Variants in PHIP observed in about 807,000 individuals in gnomAD.
PHIP encodes PH-interacting protein.
Under a neutral mutation model 236.8 loss-of-function variants are expected in PHIP, and 54 were observed. The ratio of observed to expected loss-of-function variants is 0.23; its 90% CI spans 0.18 to 0.29. The LOEUF (loss-of-function observed/expected upper bound fraction) is 0.29. PHIP is among the 10% of genes least tolerant of loss of function. The probability of loss-of-function intolerance (pLI) is 1.00; values close to 1 mark genes in which losing one functional copy is unlikely to be tolerated. For missense variants in PHIP, 1,370 were observed against 2,190.8 expected (o/e 0.63, Z 7.48); for synonymous variants, 756 against 718.9 (o/e 1.05, Z -0.83).
At chr6:78,984,475 C>T (rs1185803464) in intron 22 of PHIP, among the ~76,000 whole-genome samples, 1 of 152,100 alleles carries the variant, frequency 6.6e-6, no homozygotes, top group African/African-American at 2.4e-5. Context: ...TTACAAACTC[C>T]AGAGTCCAGC....
intron 27 of PHIP, 80 bp downstream of exon 27, chr6:78,969,755 C>A: frequency 3.2e-6 from 2 of 629,350 alleles, no homozygotes; most frequent in East Asian, 2.9e-5. Context: ...ATCTTTTTCT[C>A]AATTATGAAA....
At chr6:79,050,226 G>A (rs934368279) in intron 6 of PHIP, among the ~76,000 whole-genome samples, 3 of 152,084 alleles carry the variant, frequency 2.0e-5, no homozygotes, top group Non-Finnish European at 4.4e-5. Context: ...ACACTCTTAC[G>A]ACGTGTAGCA....
At chr6:79,024,806 AAAAT>A (rs113760806) in intron 9 of PHIP, among the ~76,000 whole-genome samples, 2 of 152,136 alleles carry the variant, frequency 1.3e-5, no homozygotes, top group African/African-American at 4.8e-5. Flanking sequence ...CTCCGTCTCA[AAAAT>A]AAATAAATAA....
At position 79,001,893 on chromosome 6, in the gene PHIP, A is replaced by G. The variant is rs529728080; in HGVS notation, c.1879+6T>C. Reference sequence around the variant, plus strand: ...AATTTGATTGTCTAAGAAAATGAGCACCTACCTGAGGAAGTTACTCCCATC... The same window carrying G: ...AATTTGATTGTCTAAGAAAATGAGCGCCTACCTGAGGAAGTTACTCCCATC... On this transcript the variant is annotated splice_donor_region_variant and intron_variant, in intron 17 of 39. Transcript: ENST00000275034. 1.9e-6 allele frequency: 3 copies of G among 1,573,342 alleles called. No individual in the cohort carries two copies. The highest frequency in any genetic ancestry group is 2.6e-6 in the Non-Finnish European group (3 of 1,143,352).
intron 22 of PHIP, 111 bp from the exon 23 acceptor site, chr6:78,983,228 TA>T (rs1212115090): frequency 2.0e-6 from 1 of 511,038 alleles, no homozygotes; most frequent in African/African-American, 2.0e-5. Context: ...AACAAATACT[TA>T]AACTACAAAA....
intron 4 of PHIP, among the ~76,000 whole-genome samples, chr6:79,064,135 T>C (rs1203297159): frequency 6.6e-6 from 1 of 152,152 alleles, no homozygotes. Context: ...TTAATAAATA[T>C]TTAAGATCCA....
At chr6:78,986,005 G>A (rs1303862203) in intron 21 of PHIP, among the ~76,000 whole-genome samples, 2 of 151,916 alleles carry the variant, frequency 1.3e-5, no homozygotes, top group South Asian at 4.1e-4. Flanking sequence ...GCCTCATAAC[G>A]TATCTAGATA....
Position 79,060,576 on chromosome 6 carries a change from C to T in PHIP, c.341G>A (p.Ser114Asn), listed in dbSNP as rs373149368. The T allele has an allele frequency of 1.2e-6, 2 of 1,612,900 alleles. No homozygotes were observed. Among genetic ancestry groups the T allele is most frequent in the African/African-American group, 1.3e-5 (1 of 74,828 alleles). The change falls in exon 6 of 40, where the codon AGC becomes AAC. Residue 114 changes from serine to asparagine, a missense_variant and splice_region_variant. Physicochemically the swap from Ser to Asn is conservative, Grantham distance 46. Around this residue, in one of 14 missense-constraint regions of PHIP, gnomAD observed 82 missense variants for 203.2 expected, o/e 0.40. Coordinates refer to ENST00000275034, the MANE Select transcript of PHIP (RefSeq NM_017934.7). ...GRQSLLRTNK[S>N]CKHVVWKGSA... ...TCCTTTCCACACAACATGCTTGCAG[C>T]CTATTAAACACATGTATTTTTATGC...
At chr6:79,066,814 T>C (rs1773645424) in intron 4 of PHIP, among the ~76,000 whole-genome samples, 1 of 152,210 alleles carries the variant, frequency 6.6e-6, no homozygotes, top group African/African-American at 2.4e-5. Context: ...AATTTGTTAC[T>C]ATTTTTTAAA....
intron 21 of PHIP, 138 bp downstream of exon 21, chr6:78,988,071 A>T (rs1562155767): frequency 2.0e-6 from 1 of 494,294 alleles, no homozygotes; most frequent in Non-Finnish European, 3.4e-6. Context: ...TTTAGAAAAT[A>T]AAAGCTGTAT....
chr6:78,951,442 T>C (rs963018920), intron 35 of PHIP, among the ~76,000 whole-genome samples: 21 of 152,194 alleles, frequency 1.4e-4, no homozygotes, highest in Non-Finnish European at 2.8e-4. Context: ...AATATTTTCA[T>C]ATAAAAGATG....
At position 79,078,224 on chromosome 6, in the gene PHIP, A is replaced by C. The variant is rs941948880; in HGVS notation, c.-156T>G. On this transcript the variant is annotated 5_prime_UTR_variant, in exon 1 of 40. Coordinates refer to ENST00000275034, the MANE Select transcript of PHIP (RefSeq NM_017934.7). ...ACGGCGGCGGAGGCGGAGGAGGAGG[A>C]GGAGGAAACAACAACTCTCAGGCAG... The C allele has an allele frequency of 7.2e-5, 48 of 665,732 alleles. No individual in the cohort carries two copies. The African/African-American group carries it at 9.0e-4, about 12-fold the overall frequency. 41.2% of individuals were successfully genotyped at this position (665,732 alleles called of 1,614,324 possible).
chr6:79,036,921 C>CAAAAAAAAAAA (rs34875528), intron 7 of PHIP, among the ~76,000 whole-genome samples: 1 of 38,964 alleles, frequency 2.6e-5, no homozygotes, highest in Non-Finnish European at 4.6e-5. Context: ...GACTCCGTCT[C>CAAAAAAAAAAA]AAAAAAAAAA....
chr6:79,016,501 A>G, intron 13 of PHIP, 43 bp downstream of exon 13: 1 of 1,268,900 alleles, frequency 7.9e-7, no homozygotes, highest in East Asian at 2.3e-5. Flanking sequence ...AACATACTTT[A>G]AAAAATCAAT....
rs199801449 is a variant in PHIP at position 78,940,848 on chromosome 6, G to C, written c.5311C>G (p.Gln1771Glu). Residue 1771 changes from glutamine (Q) to glutamate (E), a missense_variant, in exon 40 of 40, where the codon CAA (glutamine) becomes GAA (glutamate). By Grantham distance (29) the Gln-to-Glu change is conservative. Coordinates refer to ENST00000275034, the MANE Select transcript of PHIP (RefSeq NM_017934.7). ...GSEPHMRTRN[Q>E]GRRTAFYNED... ...TTATAGAAAGCTGTCCTTCGACCTT[G>C]ATTTCTAGTTCTCATGTGGGGTTCA... 4 of 1,613,946 alleles carry C rather than the reference G, an allele frequency of 2.5e-6. No individual in the cohort carries two copies. Among genetic ancestry groups the C allele is most frequent in the Non-Finnish European group, 2.5e-6 (3 of 1,179,910 alleles).
chr6:78,964,422 T>C (rs1248184569), intron 29 of PHIP, among the ~76,000 whole-genome samples: 2 of 152,188 alleles, frequency 1.3e-5, no homozygotes, highest in Non-Finnish European at 2.9e-5. Flanking sequence ...ATTTCTACTA[T>C]GTTAGAAATT....
Position 79,017,588 on chromosome 6 carries a change from G to GT in PHIP, c.995-6_995-5insA. 1 of 1,592,148 alleles carries GT rather than the reference G, an allele frequency of 6.3e-7. No individual in the cohort carries two copies. The highest frequency in any genetic ancestry group is 2.2e-5 in the East Asian group (1 of 44,600). ...CCGTCGCCAGAAACATTCCACCTAT[G>GT]AAGAATAACAGCAATTGTTAAGAAG... On this transcript the variant is annotated splice_polypyrimidine_tract_variant and splice_region_variant and intron_variant, in intron 10 of 39. Coordinates refer to ENST00000275034, the MANE Select transcript of PHIP (RefSeq NM_017934.7).
Position 78,941,325 on chromosome 6 carries a change from A to T in PHIP, c.4834T>A (p.Cys1612Ser). Reference protein sequence around the residue: ...KSSAVIEQGDCKNNALVPGTI... With the variant: ...KSSAVIEQGDSKNNALVPGTI... The stretch of plus-strand genomic sequence containing the variant: ...CCTGGTACAAGAGCGTTGTTCTTAC[A>T]ATCTCCTAAAAGGGAACAACAGTAC... Residue 1612 changes from cysteine (C) to serine (S), a missense_variant, in exon 40 of 40, where the codon TGT (cysteine) becomes AGT (serine). Physicochemically the swap from Cys to Ser is moderately radical, Grantham distance 112. Transcript: ENST00000275034. 3 of 1,611,856 alleles carry T rather than the reference A, an allele frequency of 1.9e-6. No homozygotes were observed. The highest frequency in any genetic ancestry group is 2.5e-6 in the Non-Finnish European group (3 of 1,178,744).
intron 19 of PHIP, among the ~76,000 whole-genome samples, chr6:78,994,996 T>G (rs1298378496): frequency 6.6e-6 from 1 of 152,256 alleles, no homozygotes; most frequent in African/African-American, 2.4e-5. Flanking sequence ...TCATGTGAGC[T>G]GCTTTACTGC....
Sources: gnomAD v4.1 joint callset for allele counts (sites outside exome capture counted in the v4.1 genomes callset) on GRCh38, gnomAD v4.1.1 for gene constraint, gnomAD v4.1.1 regional missense constraint, MANE v1.5 for transcripts, NCBI Gene and HGNC (gene_info 2026-07-23, HGNC 2026-07-21) for gene names.